VPS54: variants seen among roughly 807,000 people sequenced by gnomAD.
VPS54 encodes VPS54 subunit of GARP complex, also known as vacuolar protein sorting-associated protein 54.
A neutral mutation model predicts 121.5 loss-of-function variants in VPS54; 45 were observed. That is an observed-to-expected ratio of 0.37 (90% CI 0.29 to 0.47). The LOEUF (loss-of-function observed/expected upper bound fraction) is 0.47. VPS54 is among the 20% of genes least tolerant of loss of function. The pLI is 0.99. For missense variants in VPS54, 1,090 were observed against 1,131.4 expected (o/e 0.96, Z 0.52); for synonymous variants, 371 against 385.8 (o/e 0.96, Z 0.45).
At chr2:63,957,739 T>C (rs1348393013) in intron 7 of VPS54, among the ~76,000 whole-genome samples, 8 of 152,086 alleles carry the variant, frequency 5.3e-5, no homozygotes, top group African/African-American at 9.7e-5. Flanking sequence ...AAAGAACAAA[T>C]GTATGTAGGA....
chr2:63,931,443 G>T (rs1031534079), intron 12 of VPS54, among the ~76,000 whole-genome samples: 1 of 152,102 alleles, frequency 6.6e-6, no homozygotes, highest in Non-Finnish European at 1.5e-5. Flanking sequence ...GGGAAAACTG[G>T]CTAGCCATAT....
rs1167585719 is a variant in VPS54 at position 63,892,217 on chromosome 2, A to C, written c.*1213T>G. On this transcript the variant is annotated 3_prime_UTR_variant, in exon 23 of 23. Coordinates refer to ENST00000272322, the MANE Select transcript of VPS54 (RefSeq NM_016516.3). ...CAAAGACATACCTCTGTAATGATAA[A>C]GGAAAGAAAACAAGCTTTCCTTTTA... The C allele has an allele frequency of 1.3e-5, 2 of 152,198 alleles. No homozygotes were observed. The highest frequency in any genetic ancestry group is 2.9e-5 in the Non-Finnish European group (2 of 68,026). The allele number at this position is 152,198 out of a possible 1,614,324, so 9.4% of individuals were successfully genotyped here.
intron 13 of VPS54, 69 bp downstream of exon 13, chr2:63,921,137 C>G: frequency 6.7e-7 from 1 of 1,490,284 alleles, no homozygotes; most frequent in Non-Finnish European, 9.0e-7. Flanking sequence ...ACACAGGAAG[C>G]AAAGACATAA....
At chr2:63,944,851 C>G (rs1443447070) in intron 9 of VPS54, among the ~76,000 whole-genome samples, 196 bp from the exon 10 acceptor site, 1 of 152,114 alleles carries the variant, frequency 6.6e-6, no homozygotes, top group Non-Finnish European at 1.5e-5. Context: ...CCATCTCACA[C>G]AAGTAAGAAT....
intron 7 of VPS54, among the ~76,000 whole-genome samples, chr2:63,957,662 A>C (rs910502405): frequency 6.6e-6 from 1 of 152,194 alleles, no homozygotes; most frequent in African/African-American, 2.4e-5. Flanking sequence ...TCATACCCCC[A>C]AATCCATTAG....
chr2:64,006,331 GTA>G (rs1161133586), intron 1 of VPS54, among the ~76,000 whole-genome samples: 1 of 152,164 alleles, frequency 6.6e-6, no homozygotes, highest in East Asian at 1.9e-4. Flanking sequence ...TTCCTTGTTT[GTA>G]TTAACATTAC....
rs770606195 is a variant in VPS54 at position 63,933,939 on chromosome 2, C to A, written c.1473G>T (p.Glu491Asp). The change falls in exon 12 of 23, where the codon GAG becomes GAT. Residue 491 changes from glutamate to aspartate, a missense_variant. Glu to Asp is a conservative substitution (Grantham distance 45). This residue lies in a region of VPS54 where 801 missense variants were observed against 757.0 expected (regional missense o/e 1.06). Coordinates refer to ENST00000272322, the MANE Select transcript of VPS54 (RefSeq NM_016516.3). ...TTGCAGCATTCTTCTGTTGTGAAAT[C>A]TCTTCCAATTCTCTAGTCCTTTGGT... ...DKNQRTRELEEISQQKNAAKD... is the reference protein window; with the variant it reads ...DKNQRTRELEDISQQKNAAKD... The A allele has an allele frequency of 5.6e-6, 9 of 1,613,520 alleles. No homozygotes were observed. The South Asian group carries it at 7.7e-5, about 14-fold the overall frequency.
intron 22 of VPS54, among the ~76,000 whole-genome samples, chr2:63,895,723 C>T (rs1672419455): frequency 6.6e-6 from 1 of 152,224 alleles, no homozygotes; most frequent in South Asian, 2.1e-4. Context: ...AGTTTATGTC[C>T]TTGGCTACAG....
chr2:63,945,376 G>A (rs76544675), intron 9 of VPS54, among the ~76,000 whole-genome samples: 4,137 of 152,174 alleles, frequency 0.027, 184 homozygotes, highest in African/African-American at 0.094. Flanking sequence ...AACACCACAC[G>A]GTGGAGACTA....
chr2:64,016,881 T>C (rs1678723671), intron 1 of VPS54, among the ~76,000 whole-genome samples: 1 of 151,822 alleles, frequency 6.6e-6, no homozygotes, highest in South Asian at 2.1e-4. Context: ...AGTGGTGGGA[T>C]TACAGGTGTG....
chr2:63,973,555 C>G (rs186290725), intron 3 of VPS54, among the ~76,000 whole-genome samples: 42 of 152,106 alleles, frequency 2.8e-4, no homozygotes, highest in Admixed American at 1.6e-3. Context: ...ATTTTTGGTA[C>G]CAGTCCCTTT....
chr2:63,902,631 TGAGA>T (rs1017929104), intron 20 of VPS54, among the ~76,000 whole-genome samples: 4 of 151,770 alleles, frequency 2.6e-5, no homozygotes, highest in Non-Finnish European at 5.9e-5. Context: ...AGAACCAGAC[TGAGA>T]GAGAATCCAG....
intron 1 of VPS54, among the ~76,000 whole-genome samples, chr2:63,998,779 T>A (rs1303273415): frequency 1.3e-5 from 2 of 152,180 alleles, no homozygotes; most frequent in Non-Finnish European, 2.9e-5. Context: ...ATTATAGTTA[T>A]AATTTTTTAT....
intron 22 of VPS54, among the ~76,000 whole-genome samples, chr2:63,895,963 G>A (rs547363244): frequency 3.3e-5 from 5 of 152,218 alleles, no homozygotes; most frequent in African/African-American, 1.2e-4. Flanking sequence ...AAAGTAAAAG[G>A]GTATGAGCAG....
chr2:63,950,584 T>C (rs1002847198), intron 7 of VPS54, among the ~76,000 whole-genome samples: 1 of 152,214 alleles, frequency 6.6e-6, no homozygotes, highest in Non-Finnish European at 1.5e-5. Flanking sequence ...CCAGGTCTTT[T>C]GTTGTATAAG....
chr2:63,969,818 T>C (rs947299774), intron 4 of VPS54, among the ~76,000 whole-genome samples: 3 of 152,160 alleles, frequency 2.0e-5, no homozygotes, highest in African/African-American at 4.8e-5. Flanking sequence ...TGGCATGCTA[T>C]GTAATTTTAA....
At chr2:63,994,289 T>C (rs1484378301) in intron 1 of VPS54, among the ~76,000 whole-genome samples, 2 of 152,228 alleles carry the variant, frequency 1.3e-5, no homozygotes, top group African/African-American at 2.4e-5. Flanking sequence ...TGAATCTCGC[T>C]TACACTAGGT....
chr2:63,904,994 GAAAT>G (rs1447987514), intron 20 of VPS54, among the ~76,000 whole-genome samples: 1 of 151,988 alleles, frequency 6.6e-6, no homozygotes, highest in Non-Finnish European at 1.5e-5. Context: ...AAAATATTTT[GAAAT>G]AAATAAAAAT....
intron 20 of VPS54, among the ~76,000 whole-genome samples, chr2:63,903,474 T>G (rs905400762): frequency 1.3e-5 from 2 of 151,484 alleles, no homozygotes; most frequent in Non-Finnish European, 2.9e-5. Flanking sequence ...TTATCCTCAT[T>G]TTTTCATAAA....
Sources: gnomAD v4.1 joint callset for allele counts (sites outside exome capture counted in the v4.1 genomes callset) on GRCh38, gnomAD v4.1.1 for gene constraint, gnomAD v4.1.1 regional missense constraint, MANE v1.5 for transcripts, NCBI Gene and HGNC (gene_info 2026-07-23, HGNC 2026-07-21) for gene names.